LRCH2: variants seen among roughly 807,000 people sequenced by gnomAD.
LRCH2 encodes leucine-rich repeat and calponin homology domain-containing protein 2.
Under a neutral mutation model 68.9 loss-of-function variants are expected in LRCH2, and 38 were observed. The observed-to-expected ratio is 0.55, with a 90% CI of 0.43 to 0.72. The LOEUF is 0.72. Ranked by LOEUF, LRCH2 falls within the 30% of genes least tolerant of loss-of-function variation. The pLI, the probability that LRCH2 is intolerant of heterozygous loss-of-function variation, is 0.00. For missense variants in LRCH2, 528 were observed against 572.9 expected, an observed-to-expected ratio of 0.92 and a Z score of 0.80; for synonymous variants, 191 against 208.1, an observed-to-expected ratio of 0.92 and a Z score of 0.71.
At chrX:115,164,172 A>G (rs782775731) in intron 10 of LRCH2, among the ~76,000 whole-genome samples, 26 of 111,690 alleles carry the variant, frequency 2.3e-4, no homozygotes, top group Non-Finnish European at 4.2e-4. Flanking sequence ...TTTGTCATTT[A>G]ATTGCACCAT....
chrX:115,123,429 G>A (rs372618421), intron 17 of LRCH2, among the ~76,000 whole-genome samples: 2 of 111,961 alleles, frequency 1.8e-5, no homozygotes, highest in East Asian at 5.6e-4. Flanking sequence ...TCAAACATAC[G>A]TTATTAGAAA....
intron 12 of LRCH2, among the ~76,000 whole-genome samples, chrX:115,150,791 T>C (rs1556538111): frequency 3.6e-5 from 4 of 111,054 alleles, no homozygotes; most frequent in Non-Finnish European, 7.6e-5. Context: ...ACAAAAAATC[T>C]ATTATTATAA....
At chrX:115,204,406 T>C (rs1375844530) in intron 1 of LRCH2, among the ~76,000 whole-genome samples, 1 of 113,353 alleles carries the variant, frequency 8.8e-6, no homozygotes, top group Non-Finnish European at 1.9e-5. Context: ...CTTGAATTAC[T>C]TCCCAGTAAA....
At chrX:115,131,440 C>A (rs1295537080) in intron 14 of LRCH2, among the ~76,000 whole-genome samples, 5 of 111,229 alleles carry the variant, frequency 4.5e-5, no homozygotes, top group African/African-American at 1.3e-4. Context: ...TGAACTCATC[C>A]TTTTTTATGG....
At chrX:115,156,050 T>C (rs1169208832) in intron 12 of LRCH2, among the ~76,000 whole-genome samples, 1 of 111,541 alleles carries the variant, frequency 9.0e-6, no homozygotes, top group Non-Finnish European at 1.9e-5. Flanking sequence ...AGGAGCTATG[T>C]CTTGGGACTG....
At chrX:115,188,520 A>G in intron 1 of LRCH2, 150 bp from the exon 2 acceptor site, 1 of 402,086 alleles carries the variant, frequency 2.5e-6, no homozygotes, top group South Asian at 1.0e-4. Context: ...CTTGAAGGCA[A>G]AAAACATCAT....
chrX:115,212,253 G>A (rs1387299959), intron 1 of LRCH2, among the ~76,000 whole-genome samples: 2 of 111,567 alleles, frequency 1.8e-5, no homozygotes, highest in African/African-American at 6.5e-5. Context: ...AAATCTCATG[G>A]GGGCAACACT....
chrX:115,226,356 A>G (rs1556576234), intron 1 of LRCH2, among the ~76,000 whole-genome samples: 2 of 111,978 alleles, frequency 1.8e-5, no homozygotes, highest in African/African-American at 6.5e-5. Context: ...AAAACAAGGA[A>G]TAAGGAAATA....
chrX:115,167,235 A>C (rs1440325108), intron 6 of LRCH2, among the ~76,000 whole-genome samples: 72 of 105,654 alleles, frequency 6.8e-4, no homozygotes, highest in Admixed American at 1.3e-3. Context: ...ACAACAACAA[A>C]AAAAAACTTT....
Position 115,174,939 on chromosome X carries a change from G to A in LRCH2, c.864+4488C>T, listed in dbSNP as rs186837416. Among the ~76,000 whole-genome samples the A allele has an allele frequency of 8.6e-4, 95 of 110,896 alleles. 1 individual carries two copies. The highest frequency in any genetic ancestry group is 3.0e-3 in the African/African-American group (92 of 30,455). ...GCCAGGAAAACCAACCATGGGATTA[G>A]GCGGTTGAAACTTTCAATCCTACCT... On this transcript the variant is annotated intron_variant, in intron 5 of 20. Transcript: ENST00000317135.
At chrX:115,217,097 C>T (rs2073046472) in intron 1 of LRCH2, among the ~76,000 whole-genome samples, 1 of 111,348 alleles carries the variant, frequency 9.0e-6, no homozygotes, top group Non-Finnish European at 1.9e-5. Context: ...AAGGTAGGAG[C>T]GGGTTGAGGG....
At position 115,125,655 on chromosome X, in the gene LRCH2, G is replaced by GTA. The variant is rs782038375; in HGVS notation, c.1791+1186_1791+1187dup. 1.8e-3 allele frequency among the ~76,000 whole-genome samples: 123 copies of GTA among 68,391 alleles called. 1 individual carries two copies. The highest frequency in any genetic ancestry group is 2.6e-3 in the Non-Finnish European group (96 of 37,014). 59.4% of individuals were successfully genotyped at this position (68,391 alleles called of 115,157 possible). On this transcript the variant is annotated intron_variant, in intron 16 of 20. Coordinates refer to ENST00000317135, the MANE Select transcript of LRCH2 (RefSeq NM_020871.4). ...CATATATATACATATATATATACACGTATATATATACGTATATATATATCA... is the reference window on the plus strand; with the variant it reads ...CATATATATACATATATATATACACGTATATATATATACGTATATATATATCA...
intron 1 of LRCH2, among the ~76,000 whole-genome samples, chrX:115,220,878 C>T (rs782699828): frequency 6.3e-5 from 7 of 110,280 alleles, no homozygotes; most frequent in Non-Finnish European, 9.5e-5. Flanking sequence ...ACATATCTAG[C>T]GGCATAGTAT....
At position 115,114,541 on chromosome X, in the gene LRCH2, C is replaced by A. The variant is rs190311127; in HGVS notation, c.2179-1206G>T. Among the ~76,000 whole-genome samples the A allele has an allele frequency of 1.1e-3, 120 of 110,152 alleles. 1 individual carries two copies. Among genetic ancestry groups the A allele is most frequent in the African/African-American group, 3.7e-3 (114 of 30,510 alleles). ...ACAAAAAACAATAGATAAAAAAAAT[C>A]AATGCAACCCAAAGTTAGTTCATTT... On this transcript the variant is annotated intron_variant, in intron 20 of 20. Coordinates refer to ENST00000317135, the MANE Select transcript of LRCH2 (RefSeq NM_020871.4).
At position 115,192,492 on chromosome X, in the gene LRCH2, G is replaced by A. The variant is rs782732113; in HGVS notation, c.350-4122C>T. 6.0e-6 allele frequency: 7 copies of A among 1,169,992 alleles called. No individual in the cohort carries two copies. The African/African-American group carries it at 7.1e-5, about 12-fold the overall frequency. ...ACCGCTACTCGAGGGGTCGAGACCGGGTAGGCAGACCGGATCGTGGGCTCC... is the reference window on the plus strand; with the variant it reads ...ACCGCTACTCGAGGGGTCGAGACCGAGTAGGCAGACCGGATCGTGGGCTCC... On this transcript the variant is annotated intron_variant, in intron 1 of 20. Transcript: ENST00000317135.
intron 20 of LRCH2, among the ~76,000 whole-genome samples, chrX:115,113,578 AC>A (rs2072058923): frequency 9.0e-6 from 1 of 111,230 alleles, no homozygotes; most frequent in South Asian, 3.7e-4. Flanking sequence ...CTCTTTCTCT[AC>A]AAAGAAAATG....
At chrX:115,166,025 A>G in intron 7 of LRCH2, 73 bp from the exon 8 acceptor site, 1 of 783,975 alleles carries the variant, frequency 1.3e-6, no homozygotes, top group South Asian at 2.4e-5. Flanking sequence ...CTTCAATTTT[A>G]CATATGAATT....
At chrX:115,113,497 C>A (rs1556523309) in intron 20 of LRCH2, among the ~76,000 whole-genome samples, 162 bp from the exon 21 acceptor site, 1 of 111,160 alleles carries the variant, frequency 9.0e-6, no homozygotes, top group East Asian at 2.8e-4. Flanking sequence ...TTTTTAGATT[C>A]TTAATTTATA....
Position 115,130,435 on chromosome X carries a change from T to C in LRCH2, c.1696-236A>G, listed in dbSNP as rs781783143. On this transcript the variant is annotated intron_variant, in intron 14 of 20. Coordinates refer to ENST00000317135, the MANE Select transcript of LRCH2 (RefSeq NM_020871.4). ...TACAGATCAAGTAACATTTCTTTCT[T>C]AAGCCAAGCTATTTCCCATTCATTC... is the stretch of plus-strand genomic sequence containing the variant. Among the ~76,000 whole-genome samples the C allele has an allele frequency of 7.1e-5, 8 of 112,090 alleles. No individual in the cohort carries two copies. The South Asian group carries it at 3.0e-3, about 41-fold the overall frequency.
Sources: allele counts gnomAD v4.1 joint callset (sites outside exome capture counted in the v4.1 genomes callset), GRCh38; gene constraint gnomAD v4.1.1; transcripts MANE v1.5; gene names NCBI Gene and HGNC (gene_info 2026-07-23, HGNC 2026-07-21).